SPIC: variants seen among roughly 807,000 people sequenced by gnomAD.
SPIC encodes the protein transcription factor Spi-C.
SPIC carries 9 observed loss-of-function variants against 16.7 expected under a neutral mutation model. The observed-to-expected ratio is 0.54, with a 90% confidence interval of 0.33 to 0.94. The LOEUF is 0.94. Ranked by LOEUF, SPIC falls within the 40% of genes least tolerant of loss-of-function variation. The probability of loss-of-function intolerance (pLI) is 0.03; values close to 1 mark genes in which losing one functional copy is unlikely to be tolerated. For missense variants in SPIC, 241 were observed against 285.8 expected, an observed-to-expected ratio of 0.84 and a Z score of 1.13; for synonymous variants, 97 against 102.9, an observed-to-expected ratio of 0.94 and a Z score of 0.35.
intron 1 of SPIC, 31 bp downstream of exon 1, chr12:101,475,533 T>A (rs1156925858): frequency 6.6e-6 from 1 of 152,214 alleles, no homozygotes; most frequent in East Asian, 1.9e-4. Flanking sequence ...TTTCTAAATA[T>A]CTTCTAATCA....
At chr12:101,478,207 AT>A (rs1873025147) in intron 3 of SPIC, among the ~76,000 whole-genome samples, 1 of 151,142 alleles carries the variant, frequency 6.6e-6, no homozygotes, top group African/African-American at 2.4e-5. Flanking sequence ...AATTTTTTGT[AT>A]TTTTAGTAGA....
At chr12:101,480,376 T>C (rs1014469917) in intron 4 of SPIC, among the ~76,000 whole-genome samples, 2 of 152,232 alleles carry the variant, frequency 1.3e-5, no homozygotes, top group African/African-American at 2.4e-5. Context: ...TGGTTTTACC[T>C]ACAGTCTTGT....
chr12:101,479,397 T>C (rs1449707368), intron 3 of SPIC, among the ~76,000 whole-genome samples, 185 bp from the exon 4 acceptor site: 1 of 152,074 alleles, frequency 6.6e-6, no homozygotes, highest in East Asian at 1.9e-4. Flanking sequence ...GTTCTCCAAA[T>C]GGGATATGTA....
chr12:101,483,832 A>G (rs996517201), intron 5 of SPIC, among the ~76,000 whole-genome samples: 1 of 151,936 alleles, frequency 6.6e-6, no homozygotes, highest in African/African-American at 2.4e-5. Context: ...CCCTGGCCTC[A>G]GGTGATCCAG....
rs1193606654 is a variant in SPIC, at chr12:101,486,797, C to T, written c.*26C>T. The T allele has an allele frequency of 1.4e-6, 2 of 1,475,646 alleles. No homozygotes were observed. Among genetic ancestry groups the T allele is most frequent in the East Asian group, 4.6e-5 (2 of 43,552 alleles). The allele number at this position is 1,475,646 out of a possible 1,614,324, so 91.4% of individuals were successfully genotyped here. On this transcript the variant is annotated 3_prime_UTR_variant, in exon 6 of 6. Coordinates refer to ENST00000551346, the MANE Select transcript of SPIC (RefSeq NM_152323.3). Reference sequence around the variant, plus strand: ...ATATACTTTCATATTTCATGGTTTACTGGCATCGGAAATCTCTACAAGTTT... The same window carrying T: ...ATATACTTTCATATTTCATGGTTTATTGGCATCGGAAATCTCTACAAGTTT...
intron 5 of SPIC, among the ~76,000 whole-genome samples, chr12:101,485,910 G>A (rs1166151792): frequency 6.6e-6 from 1 of 152,114 alleles, no homozygotes; most frequent in African/African-American, 2.4e-5. Context: ...GAATCCTCAG[G>A]GGACTGCCTC....
At position 101,479,598 on chromosome 12, in the gene SPIC, G is replaced by A; in HGVS notation, c.114G>A (p.Leu38=). The A allele has an allele frequency of 6.2e-7, 1 of 1,612,374 alleles. No individual in the cohort carries two copies. The highest frequency in any genetic ancestry group is 8.5e-7 in the Non-Finnish European group (1 of 1,179,204). ...LQYSPDYRNY[L]ALINHRPHVK... is the part of the protein sequence containing the mutation. ...TAAAATTAGATTACAGAAATTACCT[G>A]GCTTTAATCAACCATCGTCCTCATG... The change falls in exon 4 of 6, where the codon CTG becomes CTA. Residue 38 remains leucine (L), a synonymous_variant. Transcript: ENST00000551346.
chr12:101,479,356 A>T (rs929308847), intron 3 of SPIC, among the ~76,000 whole-genome samples: 3 of 151,220 alleles, frequency 2.0e-5, no homozygotes, highest in Admixed American at 6.6e-5. Flanking sequence ...AGAAAGAAAG[A>T]AATCATGCGG....
At chr12:101,482,365 C>T (rs971443529) in intron 4 of SPIC, among the ~76,000 whole-genome samples, 6 of 151,972 alleles carry the variant, frequency 3.9e-5, no homozygotes, top group African/African-American at 9.7e-5. Context: ...CCACCGTGCT[C>T]GGCCCTTTCT....
Position 101,486,930 on chromosome 12 carries a change from T to C in SPIC, c.*159T>C. Reference sequence around the variant, plus strand: ...AAAAAATTAACTTTATTGTTGCTTTTATCAAAGAGTATGTAATCTATACTA... The same window carrying C: ...AAAAAATTAACTTTATTGTTGCTTTCATCAAAGAGTATGTAATCTATACTA... On this transcript the variant is annotated 3_prime_UTR_variant, in exon 6 of 6. Coordinates refer to ENST00000551346, the MANE Select transcript of SPIC (RefSeq NM_152323.3). The C allele has an allele frequency of 3.4e-6, 2 of 579,924 alleles. No individual in the cohort carries two copies. Among genetic ancestry groups the C allele is most frequent in the Non-Finnish European group, 5.7e-6 (2 of 352,542 alleles). The allele number at this position is 579,924 out of a possible 1,614,324, so 35.9% of individuals were successfully genotyped here.
At chr12:101,475,610 T>C (rs924336424) in intron 1 of SPIC, 108 bp downstream of exon 1, 1 of 152,206 alleles carries the variant, frequency 6.6e-6, no homozygotes, top group Non-Finnish European at 1.5e-5. Context: ...GCAAGAAATA[T>C]TAAGCAATCA....
chr12:101,479,765 T>C, intron 4 of SPIC, 71 bp downstream of exon 4: 1 of 1,137,938 alleles, frequency 8.8e-7, no homozygotes, highest in Non-Finnish European at 1.3e-6. Flanking sequence ...TCACATACAC[T>C]GTCTGAAACC....
rs1873375731 is a variant in SPIC, at chr12:101,486,639, T to C, written c.615T>C (p.Tyr205=). Residue 205 remains tyrosine (Y), a synonymous_variant, in exon 6 of 6, where the codon TAT becomes TAC. Coordinates refer to ENST00000551346, the MANE Select transcript of SPIC (RefSeq NM_152323.3). Reference sequence around the variant, plus strand: ...TTCTCCAAAGACTCTCTCCATCCTATTTCCTGGGGAAAGAGATCTTCTATT... The same window carrying C: ...TTCTCCAAAGACTCTCTCCATCCTACTTCCTGGGGAAAGAGATCTTCTATT... ...EAILQRLSPS[Y]FLGKEIFYSQ... The C allele has an allele frequency of 1.2e-6, 2 of 1,613,862 alleles. No individual in the cohort carries two copies. The highest frequency in any genetic ancestry group is 1.7e-6 in the Non-Finnish European group (2 of 1,179,892).
At chr12:101,478,279 T>C (rs1407463857) in intron 3 of SPIC, among the ~76,000 whole-genome samples, 2 of 152,008 alleles carry the variant, frequency 1.3e-5, no homozygotes, top group African/African-American at 4.8e-5. Flanking sequence ...GATCCGCCCA[T>C]CTCGGCCTCC....
At position 101,475,338 on chromosome 12, in the gene SPIC, T is replaced by C. The variant is rs907707922; in HGVS notation, c.-242T>C. ...TGCAACTCTGCCAGTATGTTCTTGA[T>C]GGTTATGTCTTAACAATTCTAATTT... On this transcript the variant is annotated 5_prime_UTR_variant, in exon 1 of 6. An upstream start codon of the reference 5' UTR is lost. Transcript: ENST00000551346. The C allele has an allele frequency of 3.3e-5, 5 of 152,210 alleles. No individual in the cohort carries two copies. Among genetic ancestry groups the C allele is most frequent in the African/African-American group, 7.2e-5 (3 of 41,458 alleles). 9.4% of individuals were successfully genotyped at this position (152,210 alleles called of 1,614,324 possible).
chr12:101,483,029 T>A (rs1873256442), intron 5 of SPIC, 129 bp downstream of exon 5: 1 of 740,040 alleles, frequency 1.4e-6, no homozygotes, highest in Non-Finnish European at 2.3e-6. Context: ...TTGAGAGTAA[T>A]TTAACTCTGA....
chr12:101,483,476 T>G (rs1400585254), intron 5 of SPIC, among the ~76,000 whole-genome samples: 1 of 121,810 alleles, frequency 8.2e-6, no homozygotes, highest in African/African-American at 4.9e-5. Context: ...TTTTTAATTT[T>G]TATTTTATTA....
rs1555208757 is a variant in SPIC, at chr12:101,476,926, A to G, written c.3+19A>G. ...AAATATGGTAAGCTGACATTTTAATATTTTCTTTACTCTGTCCACAGAGGA... is the reference window on the plus strand; with the variant it reads ...AAATATGGTAAGCTGACATTTTAATGTTTTCTTTACTCTGTCCACAGAGGA... On this transcript the variant is annotated intron_variant, in intron 2 of 5. Transcript: ENST00000551346. The G allele has an allele frequency of 4.8e-6, 7 of 1,451,456 alleles. No individual in the cohort carries two copies. Among genetic ancestry groups the G allele is most frequent in the Admixed American group, 4.5e-5 (2 of 44,544 alleles). The allele number at this position is 1,451,456 out of a possible 1,614,324, so 89.9% of individuals were successfully genotyped here. A position where few individuals can be genotyped will look rare whatever the true frequency, so the allele number is the denominator to read the frequency against.
chr12:101,482,081 A>C (rs1457902103), intron 4 of SPIC, among the ~76,000 whole-genome samples: 4 of 149,806 alleles, frequency 2.7e-5, no homozygotes, highest in Non-Finnish European at 4.5e-5. Context: ...CATCTCTACT[A>C]AAAATACAAA....
Sources: gnomAD v4.1 joint callset for allele counts (sites outside exome capture counted in the v4.1 genomes callset) on GRCh38, gnomAD v4.1.1 for gene constraint, MANE v1.5 for transcripts, NCBI Gene and HGNC (gene_info 2026-07-23, HGNC 2026-07-21) for gene names.